RELN: variants seen among roughly 807,000 people sequenced by gnomAD.
RELN encodes reelin.
Under a neutral mutation model 427.6 loss-of-function variants are expected in RELN, and 108 were observed. The observed-to-expected ratio is 0.25, with a 90% confidence interval of 0.22 to 0.30. RELN has a LOEUF of 0.30. Ranked by LOEUF, RELN falls within the 10% of genes least tolerant of loss-of-function variation. The pLI is 1.00. For missense variants in RELN, 3,715 were observed against 4,302.8 expected (o/e 0.86, Z 3.82); for synonymous variants, 1,524 against 1,513.4 (o/e 1.01, Z -0.16).
At chr7:103,868,921 CTATT>C (rs1462405246) in intron 2 of RELN, among the ~76,000 whole-genome samples, 1 of 151,938 alleles carries the variant, frequency 6.6e-6, no homozygotes, top group Non-Finnish European at 1.5e-5. Context: ...CACTTTCAAT[CTATT>C]TGCTTTTTTT....
At chr7:103,832,425 A>G (rs1251406752) in intron 3 of RELN, among the ~76,000 whole-genome samples, 1 of 152,050 alleles carries the variant, frequency 6.6e-6, no homozygotes, top group East Asian at 1.9e-4. Context: ...AAAACACAAA[A>G]AAAACAACGA....
At chr7:103,610,362 C>T (rs925799665) in intron 22 of RELN, among the ~76,000 whole-genome samples, 3 of 152,060 alleles carry the variant, frequency 2.0e-5, no homozygotes, top group African/African-American at 7.2e-5. Flanking sequence ...TTTCTAGATT[C>T]CTATATTCCT....
intron 30 of RELN, 49 bp from the exon 31 acceptor site, chr7:103,572,309 C>T (rs1313288168): frequency 9.9e-7 from 1 of 1,006,406 alleles, no homozygotes; most frequent in South Asian, 1.3e-5. Context: ...TTCAGAAGAG[C>T]TGTAAGCATT....
intron 2 of RELN, among the ~76,000 whole-genome samples, chr7:103,890,351 C>A: frequency 6.6e-6 from 1 of 152,050 alleles, no homozygotes; most frequent in Non-Finnish European, 1.5e-5. Flanking sequence ...GGCCACGGAG[C>A]AGTAGTGGTC....
chr7:103,584,932 A>C (rs751972963), intron 28 of RELN, among the ~76,000 whole-genome samples: 1 of 152,208 alleles, frequency 6.6e-6, no homozygotes, highest in Non-Finnish European at 1.5e-5. Context: ...TATAAATTAC[A>C]TGGAAACTAA....
At chr7:103,899,086 G>T (rs1296904899) in intron 2 of RELN, among the ~76,000 whole-genome samples, 1 of 151,746 alleles carries the variant, frequency 6.6e-6, no homozygotes. Flanking sequence ...TCGAATAAAC[G>T]CAATAAAAAA....
intron 8 of RELN, among the ~76,000 whole-genome samples, chr7:103,711,351 A>T (rs894802227): frequency 6.6e-6 from 1 of 152,182 alleles, no homozygotes; most frequent in Non-Finnish European, 1.5e-5. Context: ...CACAACTCAG[A>T]CCCACCTCTG....
chr7:103,489,387 T>A (rs1197252972), intron 60 of RELN, among the ~76,000 whole-genome samples: 1 of 151,808 alleles, frequency 6.6e-6, no homozygotes, highest in Non-Finnish European at 1.5e-5. Context: ...GGCCCAGAAG[T>A]GGAAATTAAG....
chr7:103,561,762 A>G (rs776932024), intron 35 of RELN, 51 bp downstream of exon 35: 2 of 1,613,708 alleles, frequency 1.2e-6, no homozygotes, highest in South Asian at 1.1e-5. Context: ...TCAACAAGCC[A>G]TATTTATTTT....
At chr7:103,797,330 C>T (rs934412404) in intron 3 of RELN, among the ~76,000 whole-genome samples, 3 of 152,138 alleles carry the variant, frequency 2.0e-5, no homozygotes, top group African/African-American at 7.2e-5. Flanking sequence ...GTCTCGAACT[C>T]CCAACCTCAG....
chr7:103,555,056 G>T (rs1830493988), intron 38 of RELN, among the ~76,000 whole-genome samples: 1 of 152,132 alleles, frequency 6.6e-6, no homozygotes, highest in Non-Finnish European at 1.5e-5. Context: ...TTGATCTGGA[G>T]ATACTGTGGG....
In RELN at chr7:103,472,638, T is replaced by C; in HGVS notation, c.*174A>G. 1.6e-6 allele frequency: 1 copy of C among 614,214 alleles called. No individual in the cohort carries two copies. Among genetic ancestry groups the C allele is most frequent in the Non-Finnish European group, 2.9e-6 (1 of 340,142 alleles). The allele number at this position is 614,214 out of a possible 1,614,324, so 38.0% of individuals were successfully genotyped here. Reference sequence around the variant, plus strand: ...ATTTACTTATGAGCAAATAAGTCACTTGTCATTAGTTCACAGTGTGGGAAA... The same window carrying C: ...ATTTACTTATGAGCAAATAAGTCACCTGTCATTAGTTCACAGTGTGGGAAA... On this transcript the variant is annotated 3_prime_UTR_variant, in exon 65 of 65. Transcript: ENST00000428762.
At chr7:103,625,537 G>C (rs2117323282) in intron 20 of RELN, among the ~76,000 whole-genome samples, 1 of 152,142 alleles carries the variant, frequency 6.6e-6, no homozygotes, top group Non-Finnish European at 1.5e-5. Flanking sequence ...TCCTTTCATT[G>C]AGACAGTGAA....
chr7:103,557,668 T>C (rs1562889843), intron 37 of RELN, among the ~76,000 whole-genome samples: 1 of 152,196 alleles, frequency 6.6e-6, no homozygotes, highest in African/African-American at 2.4e-5. Context: ...AAAATTTAAA[T>C]TTCTTTTAGT....
At chr7:103,710,929 A>T (rs1335354524) in intron 8 of RELN, among the ~76,000 whole-genome samples, 1 of 152,234 alleles carries the variant, frequency 6.6e-6, no homozygotes, top group Non-Finnish European at 1.5e-5. Context: ...CTATAGTCCC[A>T]GCTACTCAGG....
At chr7:103,950,072 C>T (rs1233692500) in intron 1 of RELN, among the ~76,000 whole-genome samples, 1 of 152,152 alleles carries the variant, frequency 6.6e-6, no homozygotes, top group Non-Finnish European at 1.5e-5. Context: ...AGTTTTGGTG[C>T]CTGGTGAAAG....
At chr7:103,885,044 A>G (rs941177047) in intron 2 of RELN, among the ~76,000 whole-genome samples, 6 of 152,208 alleles carry the variant, frequency 3.9e-5, no homozygotes, top group Admixed American at 2.6e-4. Context: ...ATGCTCATCA[A>G]TGATAGACTG....
chr7:103,590,432 G>C (rs1321723553), intron 27 of RELN, among the ~76,000 whole-genome samples: 2 of 151,966 alleles, frequency 1.3e-5, no homozygotes, highest in Non-Finnish European at 2.9e-5. Context: ...GTGGTGGCGG[G>C]CACCTGTAAT....
chr7:103,892,105 C>A (rs1295512793), intron 2 of RELN, among the ~76,000 whole-genome samples: 1 of 152,174 alleles, frequency 6.6e-6, no homozygotes, highest in Non-Finnish European at 1.5e-5. Context: ...CACTCATATT[C>A]CAAATGATGT....
Sources: allele counts gnomAD v4.1 joint callset (sites outside exome capture counted in the v4.1 genomes callset), GRCh38; gene constraint gnomAD v4.1.1; transcripts MANE v1.5; gene names NCBI Gene and HGNC (gene_info 2026-07-23, HGNC 2026-07-21).